The following GRIK4 variants were observed in gnomAD, a reference collection of about 807,000 sequenced individuals.
The protein encoded by GRIK4 is glutamate ionotropic receptor kainate type subunit 4.
Under a neutral mutation model 104.9 loss-of-function variants are expected in GRIK4, and 40 were observed. The observed-to-expected ratio is 0.38, with a 90% confidence interval of 0.30 to 0.50. The LOEUF is 0.50. Ranked by LOEUF, GRIK4 falls within the 20% of genes least tolerant of loss-of-function variation. The pLI, the probability that GRIK4 is intolerant of heterozygous loss-of-function variation, is 0.93. For synonymous variants in GRIK4, 485 were observed against 524.9 expected, an observed-to-expected ratio of 0.92 and a Z score of 1.04; for missense variants, 1,047 against 1,308.1, an observed-to-expected ratio of 0.80 and a Z score of 3.08.
At chr11:120,873,965 T>G in intron 9 of GRIK4, 101 bp from the exon 10 acceptor site, 10 of 1,064,326 alleles carry the variant, frequency 9.4e-6, no homozygotes, top group Non-Finnish European at 1.4e-5. Flanking sequence ...TTCTTTTGCT[T>G]TCTCTTTTCT....
At chr11:120,567,213 G>A (rs1591700022) in intron 1 of GRIK4, among the ~76,000 whole-genome samples, 2 of 151,968 alleles carry the variant, frequency 1.3e-5, no homozygotes, top group Admixed American at 1.3e-4. Flanking sequence ...AGGCTAGAGT[G>A]CAGTGGTGCG....
chr11:120,758,216 C>T (rs1050207253), intron 3 of GRIK4, among the ~76,000 whole-genome samples: 1 of 152,136 alleles, frequency 6.6e-6, no homozygotes, highest in Non-Finnish European at 1.5e-5. Context: ...TTCATTGTAC[C>T]CATCCTGAGG....
chr11:120,987,217 C>T lies in GRIK4; in HGVS notation c.*957C>T, dbSNP rs1442867224. 1 of 152,168 alleles carries T rather than the reference C, an allele frequency of 6.6e-6. No homozygotes were observed. Among genetic ancestry groups the T allele is most frequent in the Non-Finnish European group, 1.5e-5 (1 of 68,042 alleles). 9.4% of individuals were successfully genotyped at this position (152,168 alleles called of 1,614,324 possible). A position where few individuals can be genotyped will look rare whatever the true frequency, so the allele number is the denominator to read the frequency against. On this transcript the variant is annotated 3_prime_UTR_variant, in exon 21 of 21. Coordinates refer to ENST00000527524, the MANE Select transcript of GRIK4 (RefSeq NM_014619.5). ...GTATCCTAGGACTTTGTTTAAGGAG[C>T]GGAAAGAGCAGATAGAATTTTCCCA...
intron 4 of GRIK4, among the ~76,000 whole-genome samples, chr11:120,803,958 C>T (rs1591934392): frequency 1.3e-5 from 2 of 152,292 alleles, no homozygotes; most frequent in Admixed American, 1.3e-4. Flanking sequence ...CAGAGCTAGT[C>T]AATGGCTGAG....
intron 1 of GRIK4, among the ~76,000 whole-genome samples, chr11:120,592,479 C>T (rs1948746945): frequency 6.6e-6 from 1 of 152,240 alleles, no homozygotes; most frequent in Non-Finnish European, 1.5e-5. Flanking sequence ...CTGCTCGGTA[C>T]TGCATTCCGT....
At chr11:120,832,864 TGGCTG>T (rs980989829) in intron 7 of GRIK4, among the ~76,000 whole-genome samples, 3 of 152,192 alleles carry the variant, frequency 2.0e-5, no homozygotes, top group African/African-American at 7.2e-5. Context: ...CCTGGGCTGG[TGGCTG>T]GGCTGGGCAT....
intron 3 of GRIK4, among the ~76,000 whole-genome samples, chr11:120,695,764 A>G (rs78435918): frequency 0.047 from 7,225 of 152,154 alleles, 344 homozygotes; most frequent in African/African-American, 0.12. Flanking sequence ...CTGGCTGGAT[A>G]TTGATTGGCC....
At chr11:120,904,597 G>A (rs1942824913) in intron 12 of GRIK4, among the ~76,000 whole-genome samples, 1 of 152,116 alleles carries the variant, frequency 6.6e-6, no homozygotes, top group Admixed American at 6.5e-5. Context: ...CCACTTCCTG[G>A]CATCTGAGTC....
At chr11:120,895,080 G>A (rs1027064183) in intron 11 of GRIK4, among the ~76,000 whole-genome samples, 11 of 152,260 alleles carry the variant, frequency 7.2e-5, no homozygotes, top group Admixed American at 4.6e-4. Flanking sequence ...GGGAAGGTGC[G>A]TTGCTCAGGC....
intron 3 of GRIK4, among the ~76,000 whole-genome samples, chr11:120,667,341 A>C (rs956873073): frequency 6.6e-6 from 1 of 152,268 alleles, no homozygotes; most frequent in African/African-American, 2.4e-5. Context: ...CTGTTGATGT[A>C]GACCTGGGCT....
chr11:120,942,043 T>C (rs1180644683), intron 14 of GRIK4, among the ~76,000 whole-genome samples: 2 of 152,234 alleles, frequency 1.3e-5, no homozygotes, highest in Non-Finnish European at 2.9e-5. Flanking sequence ...AGGAATGATG[T>C]GTTTGAAGCC....
At chr11:120,859,473 A>C (rs1026878703) in intron 8 of GRIK4, 2 of 152,218 alleles carry the variant, frequency 1.3e-5, no homozygotes, top group Non-Finnish European at 2.9e-5. Context: ...CCAGAGCCTC[A>C]GGGCTTCCTT....
chr11:120,828,262 A>G (rs749274465), intron 6 of GRIK4, among the ~76,000 whole-genome samples: 11 of 152,234 alleles, frequency 7.2e-5, no homozygotes, highest in Non-Finnish European at 1.3e-4. Context: ...TATTACAAAT[A>G]TATACACACA....
At chr11:120,776,295 G>A (rs1952041474) in intron 3 of GRIK4, among the ~76,000 whole-genome samples, 1 of 152,214 alleles carries the variant, frequency 6.6e-6, no homozygotes, top group African/African-American at 2.4e-5. Context: ...AGAGCTGCCA[G>A]CCCCAGGAGC....
chr11:120,662,450 A>T lies in GRIK4; in HGVS notation c.82+2050A>T, dbSNP rs76782648. 1.3e-3 allele frequency among the ~76,000 whole-genome samples: 205 copies of T among 152,354 alleles called. 4 individuals carry two copies. In the East Asian group the frequency reaches 0.03, roughly 22 times the overall value. On this transcript the variant is annotated intron_variant, in intron 3 of 20. Coordinates refer to ENST00000527524, the MANE Select transcript of GRIK4 (RefSeq NM_014619.5). Reference sequence around the variant, plus strand: ...ACCCGTTCTTCCTGTCTCCTTGGTTAGCCTGAGTGCCAGGAGCTTTTTAAA... The same window carrying T: ...ACCCGTTCTTCCTGTCTCCTTGGTTTGCCTGAGTGCCAGGAGCTTTTTAAA...
intron 9 of GRIK4, chr11:120,871,349 C>T (rs560075454): frequency 1.6e-5 from 5 of 311,132 alleles, no homozygotes; most frequent in Admixed American, 4.1e-5. Flanking sequence ...AGGACAAGGA[C>T]GGTTGTAGGC....
intron 13 of GRIK4, among the ~76,000 whole-genome samples, chr11:120,910,099 C>T (rs771432875): frequency 6.6e-6 from 1 of 152,196 alleles, no homozygotes; most frequent in African/African-American, 2.4e-5. Flanking sequence ...CTCACTTCTG[C>T]CATGGCTGAC....
At chr11:120,559,059 CCTT>C (rs1259318170) in intron 1 of GRIK4, among the ~76,000 whole-genome samples, 2 of 152,222 alleles carry the variant, frequency 1.3e-5, no homozygotes, top group Non-Finnish European at 1.5e-5. Flanking sequence ...GATGGAGAAG[CCTT>C]CTCTGTTCTC....
In GRIK4 at chr11:120,819,592, C is replaced by G. The variant is rs1953053846; in HGVS notation, c.346-163C>G. On this transcript the variant is annotated intron_variant, in intron 5 of 20. Transcript: ENST00000527524. This position sits in a 1 kb window ranked among gnomAD's most constrained non-coding sequence, Gnocchi z 4.3. ...ATCAGGGATGTCATCGCTCGTCTTCCTCCCACGGAGTGGGTGCCCTGGGAG... is the reference window on the plus strand; with the variant it reads ...ATCAGGGATGTCATCGCTCGTCTTCGTCCCACGGAGTGGGTGCCCTGGGAG... 6.6e-6 allele frequency among the ~76,000 whole-genome samples: 1 copy of G among 152,210 alleles called. No homozygotes were observed. Among genetic ancestry groups the G allele is most frequent in the African/African-American group, 2.4e-5 (1 of 41,452 alleles).
Sources: allele counts gnomAD v4.1 joint callset (sites outside exome capture counted in the v4.1 genomes callset), GRCh38; gene constraint gnomAD v4.1.1; non-coding constraint Gnocchi (gnomAD v3.1); transcripts MANE v1.5; gene names NCBI Gene and HGNC (gene_info 2026-07-23, HGNC 2026-07-21).